Variants in SLC24A2 observed in about 807,000 individuals in gnomAD.
SLC24A2 encodes sodium/potassium/calcium exchanger 2.
A neutral mutation model predicts 62.0 loss-of-function variants in SLC24A2; 36 were observed. The observed-to-expected ratio is 0.58, with a 90% CI of 0.44 to 0.77. The LOEUF is 0.77. Ranked by LOEUF, SLC24A2 falls within the 30% of genes least tolerant of loss-of-function variation. SLC24A2 has a pLI of 0.00. For synonymous variants in SLC24A2, 358 were observed against 294.0 expected, an observed-to-expected ratio of 1.22 and a Z score of -2.23; for missense variants, 846 against 817.9, an observed-to-expected ratio of 1.03 and a Z score of -0.42.
intron 7 of SLC24A2, among the ~76,000 whole-genome samples, chr9:19,561,070 T>G (rs1016043001): frequency 1.5e-4 from 23 of 151,820 alleles, no homozygotes; most frequent in Non-Finnish European, 3.2e-4. Flanking sequence ...GGATTACAGG[T>G]GCCAGCCACC....
At chr9:19,702,321 T>A (rs1412516951) in intron 2 of SLC24A2, among the ~76,000 whole-genome samples, 4 of 152,218 alleles carry the variant, frequency 2.6e-5, no homozygotes, top group African/African-American at 9.6e-5. Flanking sequence ...CAAAGCAATC[T>A]ATTCACAAAC....
chr9:20,142,807 G>A, the SLC24A2 span, among the ~76,000 whole-genome samples: 43 of 152,182 alleles, frequency 2.8e-4, no homozygotes, highest in African/African-American at 1.0e-3. Flanking sequence ...TGTTGGTCAG[G>A]CTGGTCTCGA....
intron 2 of SLC24A2, among the ~76,000 whole-genome samples, chr9:19,763,850 T>C (rs1822424769): frequency 6.6e-6 from 1 of 152,232 alleles, no homozygotes; most frequent in South Asian, 2.1e-4. Flanking sequence ...GAGGACTTTC[T>C]CTTTTTCTAT....
At chr9:19,906,832 T>G in the SLC24A2 span, among the ~76,000 whole-genome samples, 95 of 152,156 alleles carry the variant, frequency 6.2e-4, 1 homozygote, top group South Asian at 1.5e-3. Context: ...AGGCAATAAT[T>G]AATAGCTTAC....
At chr9:19,517,808 G>A (rs998040365) in intron 10 of SLC24A2, among the ~76,000 whole-genome samples, 1 of 151,944 alleles carries the variant, frequency 6.6e-6, no homozygotes, top group African/African-American at 2.4e-5. Flanking sequence ...GCCTGAGAGT[G>A]GGGGTGATGG....
the SLC24A2 span, among the ~76,000 whole-genome samples, chr9:20,230,027 T>A: frequency 1.3e-5 from 2 of 152,168 alleles, no homozygotes. Flanking sequence ...AATGATGGTT[T>A]CCAGTTTCAT....
chr9:19,527,318 C>A (rs1253384088), intron 9 of SLC24A2, among the ~76,000 whole-genome samples: 3 of 152,200 alleles, frequency 2.0e-5, no homozygotes, highest in Non-Finnish European at 4.4e-5. Flanking sequence ...GGTAATCTTA[C>A]CAACTTTAAG....
At chr9:20,096,530 T>C in the SLC24A2 span, among the ~76,000 whole-genome samples, 1 of 152,132 alleles carries the variant, frequency 6.6e-6, no homozygotes, top group African/African-American at 2.4e-5. Context: ...ACATCTCTCA[T>C]TGCAATTATT....
At chr9:19,800,825 G>A in the SLC24A2 span, among the ~76,000 whole-genome samples, 2 of 152,172 alleles carry the variant, frequency 1.3e-5, no homozygotes, top group Non-Finnish European at 2.9e-5. Context: ...TTCCTTTGGA[G>A]TATGTTTCTT....
At chr9:20,083,639 T>C in the SLC24A2 span, among the ~76,000 whole-genome samples, 1 of 152,236 alleles carries the variant, frequency 6.6e-6, no homozygotes, top group African/African-American at 2.4e-5. Context: ...TTTAGATTAT[T>C]TTATGATAAC....
the SLC24A2 span, among the ~76,000 whole-genome samples, chr9:20,208,040 C>A: frequency 6.6e-6 from 1 of 152,194 alleles, no homozygotes; most frequent in South Asian, 2.1e-4. Flanking sequence ...AGGAGACAGG[C>A]ATTAAACAAA....
chr9:19,638,729 A>G (rs2118059167), intron 2 of SLC24A2, among the ~76,000 whole-genome samples: 1 of 152,298 alleles, frequency 6.6e-6, no homozygotes, highest in South Asian at 2.1e-4. Flanking sequence ...TACACATATT[A>G]AAATGTGGAT....
chr9:19,550,838 G>GT (rs1160324895), intron 7 of SLC24A2, among the ~76,000 whole-genome samples: 3 of 151,880 alleles, frequency 2.0e-5, no homozygotes, highest in Non-Finnish European at 4.4e-5. Flanking sequence ...TTTTTGTGTA[G>GT]TTGTGAGTTT....
chr9:19,957,248 A>G, the SLC24A2 span: 1 of 144,886 alleles, frequency 6.9e-6, no homozygotes, highest in South Asian at 2.3e-4. Flanking sequence ...TTGTGTCTCT[A>G]GATCTAGCCT....
chr9:20,170,546 G>A, the SLC24A2 span, among the ~76,000 whole-genome samples: 1 of 151,934 alleles, frequency 6.6e-6, no homozygotes, highest in Non-Finnish European at 1.5e-5. Flanking sequence ...CAGTTTTGGG[G>A]GAAAAATGGG....
chr9:20,091,720 T>C, the SLC24A2 span, among the ~76,000 whole-genome samples: 837 of 152,190 alleles, frequency 5.5e-3, 12 homozygotes, highest in African/African-American at 0.02. Flanking sequence ...GCTCTAAATA[T>C]GGAAAAGAAG....
chr9:20,053,707 G>T, the SLC24A2 span, among the ~76,000 whole-genome samples: 6 of 152,088 alleles, frequency 3.9e-5, no homozygotes, highest in African/African-American at 1.2e-4. Flanking sequence ...GGAAAAAGAT[G>T]GCTGTTTATG....
At chr9:19,606,928 C>T (rs770484221) in intron 4 of SLC24A2, among the ~76,000 whole-genome samples, 2 of 152,168 alleles carry the variant, frequency 1.3e-5, no homozygotes, top group Non-Finnish European at 2.9e-5. Flanking sequence ...ACAATATGAT[C>T]AGCATGTACA....
the SLC24A2 span, among the ~76,000 whole-genome samples, chr9:19,975,268 G>C: frequency 1.3e-5 from 2 of 152,074 alleles, no homozygotes; most frequent in Admixed American, 1.3e-4. Flanking sequence ...ACACTCCCTA[G>C]ACATACTGAC....
Sources: gnomAD v4.1 joint callset for allele counts (sites outside exome capture counted in the v4.1 genomes callset) on GRCh38, gnomAD v4.1.1 for gene constraint, MANE v1.5 for transcripts, NCBI Gene and HGNC (gene_info 2026-07-23, HGNC 2026-07-21) for gene names.